The following CNTNAP2 variants were observed in gnomAD, a reference collection of about 807,000 sequenced individuals.
CNTNAP2 encodes contactin associated protein 2.
In CNTNAP2, 98 loss-of-function variants were observed where a neutral mutation model predicts 155.2. The observed-to-expected ratio is 0.63, with a 90% CI of 0.54 to 0.75. CNTNAP2 has a LOEUF of 0.75. CNTNAP2 is among the 30% of genes least tolerant of loss of function. The probability of loss-of-function intolerance (pLI) is 0.00; values close to 1 mark genes in which losing one functional copy is unlikely to be tolerated. For synonymous variants in CNTNAP2, 651 were observed against 631.2 expected, an observed-to-expected ratio of 1.03 and a Z score of -0.47; for missense variants, 1,727 against 1,688.1, an observed-to-expected ratio of 1.02 and a Z score of -0.40.
At chr7:148,316,846 A>T (rs1797698590) in intron 21 of CNTNAP2, among the ~76,000 whole-genome samples, 1 of 152,228 alleles carries the variant, frequency 6.6e-6, no homozygotes, top group Admixed American at 6.5e-5. Context: ...AGACTCAGCG[A>T]GAAAAGACAA....
At position 147,144,220 on chromosome 7, in the gene CNTNAP2, C is replaced by A. The variant is rs180718014; in HGVS notation, c.1348+11711C>A. ...AAGTATTTTATTTGAAAACTCCAAG[C>A]AATAAGATTACTGTTTAGAAAACCA... On this transcript the variant is annotated intron_variant, in intron 8 of 23. Coordinates refer to ENST00000361727, the MANE Select transcript of CNTNAP2 (RefSeq NM_014141.6). 2.6e-5 allele frequency among the ~76,000 whole-genome samples: 4 copies of A among 152,224 alleles called. No homozygotes were observed. The East Asian group carries it at 7.7e-4, about 29-fold the overall frequency.
At chr7:146,260,381 A>C (rs997643863) in intron 1 of CNTNAP2, among the ~76,000 whole-genome samples, 1 of 152,168 alleles carries the variant, frequency 6.6e-6, no homozygotes, top group Non-Finnish European at 1.5e-5. Flanking sequence ...CAGACCCTGA[A>C]ACAGTAGATC....
chr7:147,612,086 C>T (rs1801198789), intron 12 of CNTNAP2, among the ~76,000 whole-genome samples: 2 of 152,134 alleles, frequency 1.3e-5, no homozygotes, highest in Non-Finnish European at 2.9e-5. Context: ...AAAAACACTG[C>T]ATCATAATCT....
In CNTNAP2 at chr7:147,674,001, G is replaced by A. The variant is rs138882578; in HGVS notation, c.2098+34695G>A. Among the ~76,000 whole-genome samples, 473 of 152,128 alleles carry A rather than the reference G, an allele frequency of 3.1e-3. 1 individual carries two copies. The highest frequency in any genetic ancestry group is 0.011 in the African/African-American group (438 of 41,500). ...TGTCTGAATACTATTAAATGTAAAT[G>A]GTGTATCATTAAATGCACTGGCTGT... On this transcript the variant is annotated intron_variant, in intron 13 of 23. Coordinates refer to ENST00000361727, the MANE Select transcript of CNTNAP2 (RefSeq NM_014141.6).
At chr7:148,110,549 G>A (rs1234866299) in intron 15 of CNTNAP2, among the ~76,000 whole-genome samples, 6 of 151,806 alleles carry the variant, frequency 4.0e-5, no homozygotes, top group African/African-American at 1.5e-4. Context: ...CATTCTCCAC[G>A]AAAGAACTTC....
chr7:148,296,545 C>CGAAAAAAAAA (rs1797289497), intron 21 of CNTNAP2, among the ~76,000 whole-genome samples: 1 of 76,608 alleles, frequency 1.3e-5, no homozygotes, highest in Admixed American at 1.5e-4. Flanking sequence ...GACTCTGTCT[C>CGAAAAAAAAA]AAAAAAAAAA....
intron 15 of CNTNAP2, among the ~76,000 whole-genome samples, chr7:148,109,370 T>TTGTG (rs1554473078): frequency 6.9e-6 from 1 of 145,502 alleles, no homozygotes; most frequent in South Asian, 2.2e-4. Flanking sequence ...TTTGTTTTGT[T>TTGTG]TTGTTTTGTT....
chr7:148,296,722 C>G (rs916523991), intron 21 of CNTNAP2, among the ~76,000 whole-genome samples: 3 of 152,112 alleles, frequency 2.0e-5, no homozygotes, highest in African/African-American at 7.2e-5. Context: ...GGTGCCCGTG[C>G]AGCCTACTTT....
chr7:148,081,462 A>G (rs117559204), intron 15 of CNTNAP2, among the ~76,000 whole-genome samples: 5,833 of 151,682 alleles, frequency 0.038, 196 homozygotes, highest in Admixed American at 0.11. Flanking sequence ...AGGCAGAAAA[A>G]CCTTGAAAAG....
At chr7:147,242,907 A>G (rs746594559) in intron 8 of CNTNAP2, among the ~76,000 whole-genome samples, 1 of 146,130 alleles carries the variant, frequency 6.8e-6, no homozygotes, top group Non-Finnish European at 1.5e-5. Context: ...TCAGGCTACC[A>G]TTCTTATGTA....
At chr7:147,911,655 C>T (rs188895776) in intron 14 of CNTNAP2, among the ~76,000 whole-genome samples, 18 of 152,308 alleles carry the variant, frequency 1.2e-4, no homozygotes, top group African/African-American at 4.3e-4. Flanking sequence ...TATTTTCTGT[C>T]TCTGTGATTT....
intron 4 of CNTNAP2, among the ~76,000 whole-genome samples, chr7:147,078,048 G>C (rs916171793): frequency 6.6e-6 from 1 of 152,062 alleles, no homozygotes; most frequent in Non-Finnish European, 1.5e-5. Flanking sequence ...CTTTCAAAGA[G>C]TGCCAAACAT....
At chr7:147,765,975 T>C (rs1295563552) in intron 13 of CNTNAP2, among the ~76,000 whole-genome samples, 1 of 152,192 alleles carries the variant, frequency 6.6e-6, no homozygotes, top group Non-Finnish European at 1.5e-5. Flanking sequence ...AAACTCAATG[T>C]AGTTGACACT....
intron 15 of CNTNAP2, among the ~76,000 whole-genome samples, chr7:148,000,868 A>C (rs369897169): frequency 8.5e-5 from 13 of 152,348 alleles, no homozygotes; most frequent in East Asian, 1.9e-4. Flanking sequence ...GTTCAAAGTC[A>C]AGCATCAGCA....
intron 10 of CNTNAP2, among the ~76,000 whole-genome samples, chr7:147,418,140 T>C (rs1305132121): frequency 6.6e-6 from 1 of 152,208 alleles, no homozygotes; most frequent in Non-Finnish European, 1.5e-5. Flanking sequence ...TACTTACTTA[T>C]TTTCTAAGTG....
At chr7:147,880,430 G>A (rs28371890) in intron 13 of CNTNAP2, among the ~76,000 whole-genome samples, 6,014 of 152,112 alleles carry the variant, frequency 0.04, 371 homozygotes, top group African/African-American at 0.14. Flanking sequence ...ATGCCTAATC[G>A]ACAGTTGGAT....
intron 21 of CNTNAP2, among the ~76,000 whole-genome samples, chr7:148,290,615 C>T (rs935994159): frequency 2.6e-5 from 4 of 152,098 alleles, no homozygotes; most frequent in Non-Finnish European, 4.4e-5. Flanking sequence ...GAGCAACCAC[C>T]CTATCACTTT....
At chr7:147,639,791 T>A (rs1050236371) in intron 13 of CNTNAP2, among the ~76,000 whole-genome samples, 3 of 152,220 alleles carry the variant, frequency 2.0e-5, no homozygotes, top group Non-Finnish European at 4.4e-5. Flanking sequence ...ATTTTTTGTT[T>A]TCATGATGGC....
intron 1 of CNTNAP2, among the ~76,000 whole-genome samples, chr7:146,327,744 CAAAA>C (rs1406783108): frequency 6.6e-6 from 1 of 151,966 alleles, no homozygotes; most frequent in Non-Finnish European, 1.5e-5. Flanking sequence ...GATACGGAAA[CAAAA>C]AGAATATTAA....
Sources: allele counts gnomAD v4.1 joint callset (sites outside exome capture counted in the v4.1 genomes callset), GRCh38; gene constraint gnomAD v4.1.1; transcripts MANE v1.5; gene names NCBI Gene and HGNC (gene_info 2026-07-23, HGNC 2026-07-21).